FSD1L: variants seen among roughly 807,000 people sequenced by gnomAD.
The protein encoded by FSD1L is FSD1-like protein.
In FSD1L, 45 loss-of-function variants were observed where a neutral mutation model predicts 71.6. The observed-to-expected ratio is 0.63, with a 90% CI of 0.49 to 0.81. The LOEUF (loss-of-function observed/expected upper bound fraction) is 0.81. Among genes scored for constraint, FSD1L ranks in the 30% least tolerant of loss-of-function variants. FSD1L has a pLI of 0.00. For missense variants in FSD1L, 561 were observed against 618.1 expected, an observed-to-expected ratio of 0.91 and a Z score of 0.98; for synonymous variants, 197 against 207.2, an observed-to-expected ratio of 0.95 and a Z score of 0.42.
upstream of FSD1L, among the ~76,000 whole-genome samples, chr9:105,447,168 A>G (rs12551756): frequency 6.6e-6 from 1 of 151,902 alleles, no homozygotes; most frequent in East Asian, 1.9e-4. Context: ...CGCTAAAAGT[A>G]CAAAAAATTA....
Position 105,521,343 on chromosome 9 carries a change from G to A in FSD1L, c.1025+8407G>A, listed in dbSNP as rs192639554. On this transcript the variant is annotated intron_variant, in intron 10 of 13. Coordinates refer to ENST00000481272, the MANE Select transcript of FSD1L (RefSeq NM_001145313.3). Reference sequence around the variant, plus strand: ...TAAAGCAGACAGAACTACAGAACCCGAACAGTCTCATTCCAATACAAGCAC... The same window carrying A: ...TAAAGCAGACAGAACTACAGAACCCAAACAGTCTCATTCCAATACAAGCAC... 1,877 of 1,614,094 alleles carry A rather than the reference G, an allele frequency of 1.2e-3. 24 individuals carry two copies. In the African/African-American group the frequency reaches 0.022, roughly 18 times the overall value.
Position 105,464,301 on chromosome 9 carries a change from T to TA in FSD1L, c.178dup (p.Thr60AsnfsTer22). 3.3e-6 allele frequency: 5 copies of TA among 1,524,238 alleles called. No individual in the cohort carries two copies. The highest frequency in any genetic ancestry group is 4.4e-6 in the Non-Finnish European group (5 of 1,125,648). 94.4% of individuals were successfully genotyped at this position (1,524,238 alleles called of 1,614,324 possible). ...ATGATGAAATTCAGAACTTTATTGA[T>TA]ACACTACATCATACACTAAAAGGAG... is the stretch of plus-strand genomic sequence containing the variant. On this transcript the variant is annotated frameshift_variant, in exon 3 of 14. Transcript: ENST00000481272. LOFTEE classifies it high-confidence loss of function.
chr9:105,455,666 A>G (rs1588912256), intron 1 of FSD1L, among the ~76,000 whole-genome samples: 1 of 152,296 alleles, frequency 6.6e-6, no homozygotes, highest in Non-Finnish European at 1.5e-5. Context: ...CATGACTGCC[A>G]GTTGATAGCT....
intron 13 of FSD1L, among the ~76,000 whole-genome samples, chr9:105,543,887 A>C (rs1474835428): frequency 3.3e-5 from 5 of 152,208 alleles, no homozygotes; most frequent in Non-Finnish European, 5.9e-5. Flanking sequence ...GTGCCGCAAT[A>C]AACATACATG....
chr9:105,511,514 T>G (rs1306977718), intron 9 of FSD1L, among the ~76,000 whole-genome samples: 2 of 152,148 alleles, frequency 1.3e-5, no homozygotes. Flanking sequence ...ATTCTATTTC[T>G]GTTTTTACTA....
intron 6 of FSD1L, among the ~76,000 whole-genome samples, chr9:105,481,277 A>G (rs1588974402): frequency 7.4e-6 from 1 of 134,328 alleles, no homozygotes; most frequent in Admixed American, 7.9e-5. Flanking sequence ...AACATTTCTG[A>G]TTCTCAACTT....
intron 10 of FSD1L, among the ~76,000 whole-genome samples, 154 bp downstream of exon 10, chr9:105,513,090 T>C (rs1409037650): frequency 6.6e-6 from 1 of 152,222 alleles, no homozygotes; most frequent in African/African-American, 2.4e-5. Context: ...TATTTGTCAG[T>C]AGTTTAATAG....
At chr9:105,523,321 A>T in intron 10 of FSD1L, 1 of 1,590,578 alleles carries the variant, frequency 6.3e-7, no homozygotes, top group Non-Finnish European at 8.6e-7. Flanking sequence ...CTCGATGAGA[A>T]GCTCCACCAC....
At chr9:105,451,596 G>A (rs112957087) in intron 1 of FSD1L, among the ~76,000 whole-genome samples, 1,796 of 152,308 alleles carry the variant, frequency 0.012, 51 homozygotes, top group African/African-American at 0.041. Context: ...GAAAACCACA[G>A]TATTAACTCC....
intron 7 of FSD1L, among the ~76,000 whole-genome samples, chr9:105,502,836 G>A (rs1181899079): frequency 7.4e-5 from 11 of 149,000 alleles, no homozygotes; most frequent in Non-Finnish European, 1.5e-4. Flanking sequence ...AAAAAAAAAA[G>A]AAACCTTTTT....
At chr9:105,482,853 G>A (rs972367817) in intron 6 of FSD1L, among the ~76,000 whole-genome samples, 5 of 151,776 alleles carry the variant, frequency 3.3e-5, no homozygotes, top group South Asian at 4.2e-4. Flanking sequence ...AAATACTTTC[G>A]GATTTTTTTT....
At chr9:105,525,178 G>A (rs1835430124) in intron 10 of FSD1L, 8 of 1,591,182 alleles carry the variant, frequency 5.0e-6, no homozygotes, top group South Asian at 3.5e-5. Flanking sequence ...AAGAGCCTCC[G>A]ACATCTAATG....
intron 10 of FSD1L, among the ~76,000 whole-genome samples, chr9:105,518,427 C>T (rs769654348): frequency 6.6e-6 from 1 of 152,196 alleles, no homozygotes; most frequent in African/African-American, 2.4e-5. Context: ...CACTCCTCAG[C>T]AAATGCAAAA....
chr9:105,444,709 C>G (rs555560241), upstream of FSD1L, among the ~76,000 whole-genome samples: 1 of 152,334 alleles, frequency 6.6e-6, no homozygotes, highest in African/African-American at 2.4e-5. Flanking sequence ...ATGTCTATGA[C>G]TAGATAGGCT....
At chr9:105,491,533 A>C (rs1462498395) in intron 7 of FSD1L, among the ~76,000 whole-genome samples, 1 of 152,112 alleles carries the variant, frequency 6.6e-6, no homozygotes, top group Non-Finnish European at 1.5e-5. Context: ...TTCCAACACT[A>C]TGTTGAATAG....
At position 105,485,536 on chromosome 9, in the gene FSD1L, T is replaced by G. The variant is rs1420795739; in HGVS notation, c.586+1034T>G. ...CTTAACAACCTTTTGGTTAGGTGTTTTTTTTTTTTTTTTTTTTTTTGCATC... is the reference window on the plus strand; with the variant it reads ...CTTAACAACCTTTTGGTTAGGTGTTGTTTTTTTTTTTTTTTTTTTTGCATC... On this transcript the variant is annotated intron_variant, in intron 7 of 13. Transcript: ENST00000481272. Among the ~76,000 whole-genome samples the G allele has an allele frequency of 4.3e-4, 62 of 145,022 alleles. 1 individual carries two copies. In the East Asian group the frequency reaches 6.5e-3, roughly 15 times the overall value.
chr9:105,478,342 A>G (rs771298531), intron 5 of FSD1L, among the ~76,000 whole-genome samples: 4 of 152,210 alleles, frequency 2.6e-5, no homozygotes, highest in Non-Finnish European at 5.9e-5. Context: ...ATGAATAGGA[A>G]CAACGTTAGA....
chr9:105,524,396 T>C (rs991469177), intron 10 of FSD1L: 1 of 1,613,806 alleles, frequency 6.2e-7, no homozygotes, highest in South Asian at 1.1e-5. Context: ...CTTCATCTTA[T>C]GAAATGGACA....
chr9:105,461,422 G>T, intron 1 of FSD1L, 98 bp from the exon 2 acceptor site: 1 of 502,710 alleles, frequency 2.0e-6, no homozygotes. Context: ...AATATATTTT[G>T]AATCTATTAA....
Sources: gnomAD v4.1 joint callset for allele counts (sites outside exome capture counted in the v4.1 genomes callset) on GRCh38, gnomAD v4.1.1 for gene constraint, MANE v1.5 for transcripts, NCBI Gene and HGNC (gene_info 2026-07-23, HGNC 2026-07-21) for gene names.